The following PLEKHA5 variants were observed in gnomAD, a reference collection of about 807,000 sequenced individuals.
PLEKHA5 encodes pleckstrin homology domain-containing family A member 5.
A neutral mutation model predicts 181.9 loss-of-function variants in PLEKHA5; 55 were observed. The ratio of observed to expected loss-of-function variants is 0.30; its 90% confidence interval spans 0.24 to 0.38. The LOEUF (loss-of-function observed/expected upper bound fraction) is 0.38, where lower values mean the gene tolerates loss of function less well. PLEKHA5 is among the 10% of genes least tolerant of loss of function. The pLI, the probability that PLEKHA5 is intolerant of heterozygous loss-of-function variation, is 1.00. For missense variants in PLEKHA5, 1,432 were observed against 1,549.5 expected, an observed-to-expected ratio of 0.92 and a Z score of 1.27; for synonymous variants, 535 against 529.4, an observed-to-expected ratio of 1.01 and a Z score of -0.15.
chr12:19,319,791 C>T (rs1293746608), intron 16 of PLEKHA5: 4 of 338,680 alleles, frequency 1.2e-5, no homozygotes, highest in Non-Finnish European at 2.1e-5. Flanking sequence ...CAGAAGTAAC[C>T]AAAATATCTT....
intron 3 of PLEKHA5, among the ~76,000 whole-genome samples, chr12:19,253,086 T>TTTTTTTTTTTTTTTTTTTTTTTTTTTC (rs2065834206): frequency 7.7e-6 from 1 of 129,678 alleles, no homozygotes; most frequent in Non-Finnish European, 1.6e-5. Flanking sequence ...TTTTTTTTTT[T>TTTTTTTTTTTTTTTTTTTTTTTTTTTC]TTTTGGGAGA....
At chr12:19,152,405 A>G (rs2040628911) in intron 3 of PLEKHA5, 1 of 152,218 alleles carries the variant, frequency 6.6e-6, no homozygotes, top group Non-Finnish European at 1.5e-5. Context: ...AGGCTCATAG[A>G]TAGAGACTGT....
rs138815930 is a variant in PLEKHA5, at chr12:19,246,855, T to C, written c.228-7085T>C. ...CCATTGAATACTTTAGTTTCTTTCC[T>C]TGTATAATTTGAAGTAACTCTCCAT... On this transcript the variant is annotated intron_variant, in intron 3 of 31. Transcript: ENST00000429027. Among the ~76,000 whole-genome samples, 320 of 152,298 alleles carry C rather than the reference T, an allele frequency of 2.1e-3. 1 individual carries two copies. The highest frequency in any genetic ancestry group is 7.3e-3 in the African/African-American group (304 of 41,568).
intron 15 of PLEKHA5, among the ~76,000 whole-genome samples, chr12:19,295,128 C>G (rs978971401): frequency 6.6e-6 from 1 of 152,126 alleles, no homozygotes; most frequent in African/African-American, 2.4e-5. Flanking sequence ...TGTATACATA[C>G]AGTAATCCCA....
intron 3 of PLEKHA5, among the ~76,000 whole-genome samples, chr12:19,136,988 A>C (rs1028066941): frequency 6.6e-5 from 10 of 152,196 alleles, no homozygotes; most frequent in Admixed American, 1.3e-4. Flanking sequence ...AAGTGCCATA[A>C]AAAACATTAG....
intron 3 of PLEKHA5, among the ~76,000 whole-genome samples, chr12:19,186,125 G>C (rs2049810713): frequency 6.6e-6 from 1 of 152,156 alleles, no homozygotes; most frequent in Non-Finnish European, 1.5e-5. Context: ...AATAAGGCTA[G>C]TTGTCCCTGG....
At chr12:19,176,956 C>T (rs900541298) in intron 3 of PLEKHA5, among the ~76,000 whole-genome samples, 5 of 152,050 alleles carry the variant, frequency 3.3e-5, no homozygotes, top group Non-Finnish European at 7.4e-5. Context: ...CTCTGACTCC[C>T]TGGTTCAAGC....
intron 3 of PLEKHA5, among the ~76,000 whole-genome samples, chr12:19,247,935 A>G (rs186892160): frequency 0.013 from 1,901 of 150,380 alleles, 28 homozygotes; most frequent in Non-Finnish European, 0.022. Flanking sequence ...TTAAAAAAAA[A>G]AGAGAGAGAG....
chr12:19,199,195 C>G (rs2053633123), intron 3 of PLEKHA5, among the ~76,000 whole-genome samples: 1 of 152,042 alleles, frequency 6.6e-6, no homozygotes, highest in Non-Finnish European at 1.5e-5. Context: ...ATACCTCTGC[C>G]TAAGACTCTT....
intron 3 of PLEKHA5, among the ~76,000 whole-genome samples, chr12:19,158,954 A>C (rs899774145): frequency 6.6e-6 from 1 of 152,188 alleles, no homozygotes; most frequent in Non-Finnish European, 1.5e-5. Flanking sequence ...TCTCTGAATT[A>C]AAATTAAAAT....
In PLEKHA5 at chr12:19,353,918, A is replaced by G. The variant is rs2094754033; in HGVS notation, c.3054A>G (p.Arg1018=). The G allele has an allele frequency of 6.2e-7, 1 of 1,609,428 alleles. No individual in the cohort carries two copies. The highest frequency in any genetic ancestry group is 1.3e-5 in the African/African-American group (1 of 74,956). The change falls in exon 26 of 32, where the codon AGA becomes AGG. Residue 1018 remains arginine, a synonymous_variant. Coordinates refer to ENST00000429027, the MANE Select transcript of PLEKHA5 (RefSeq NM_001256470.2). ...TTCCTGTTGGAGTAGTCCCTCCAAG[A>G]GCAAAATCACCAACACCCGAATCTT... ...SHFPVGVVPP[R]AKSPTPESST...
At chr12:19,290,174 G>A (rs1039645071) in intron 13 of PLEKHA5, among the ~76,000 whole-genome samples, 23 of 151,858 alleles carry the variant, frequency 1.5e-4, no homozygotes, top group Middle Eastern at 3.4e-3. Context: ...CTTGTGATCC[G>A]CCTCCCTCAG....
intron 3 of PLEKHA5, among the ~76,000 whole-genome samples, chr12:19,218,904 T>G: frequency 1.4e-5 from 1 of 73,140 alleles, no homozygotes; most frequent in South Asian, 3.2e-4. Context: ...ATTATTATTA[T>G]TATTTTTTTT....
At chr12:19,289,742 A>G (rs1263312969) in intron 13 of PLEKHA5, among the ~76,000 whole-genome samples, 1 of 152,114 alleles carries the variant, frequency 6.6e-6, no homozygotes, top group African/African-American at 2.4e-5. Context: ...CAGAGTGAAG[A>G]AGGAGGGTTT....
At chr12:19,301,801 G>A (rs1263807940) in intron 15 of PLEKHA5, among the ~76,000 whole-genome samples, 1 of 152,078 alleles carries the variant, frequency 6.6e-6, no homozygotes, top group African/African-American at 2.4e-5. Flanking sequence ...CAGTTATAAA[G>A]AGACTTATTT....
chr12:19,304,046 T>G (rs1461905681), intron 15 of PLEKHA5, among the ~76,000 whole-genome samples: 1 of 151,118 alleles, frequency 6.6e-6, no homozygotes, highest in Non-Finnish European at 1.5e-5. Context: ...TGGCCTCAAG[T>G]GATCCACCTG....
intron 26 of PLEKHA5, among the ~76,000 whole-genome samples, chr12:19,354,271 C>T (rs1367050320): frequency 2.1e-5 from 3 of 143,298 alleles, no homozygotes; most frequent in Non-Finnish European, 4.5e-5. Flanking sequence ...CCTGCCTTAG[C>T]CTCCGGAGTA....
At chr12:19,283,780 C>G in intron 12 of PLEKHA5, 35 bp downstream of exon 12, 1 of 1,299,086 alleles carries the variant, frequency 7.7e-7, no homozygotes, top group South Asian at 1.2e-5. Context: ...TAACTCACTA[C>G]CTTATAAATG....
intron 3 of PLEKHA5, chr12:19,149,490 C>CGA (rs1336551015): frequency 1.6e-5 from 2 of 121,844 alleles, no homozygotes; most frequent in African/African-American, 6.6e-5. Context: ...GGCGACAGAG[C>CGA]GAGACTCCAT....
Sources: allele counts gnomAD v4.1 joint callset (sites outside exome capture counted in the v4.1 genomes callset), GRCh38; gene constraint gnomAD v4.1.1; transcripts MANE v1.5; gene names NCBI Gene and HGNC (gene_info 2026-07-23, HGNC 2026-07-21).